AP3D1: variants seen among roughly 807,000 people sequenced by gnomAD.
The protein encoded by AP3D1 is AP-3 complex subunit delta-1.
In AP3D1, 51 loss-of-function variants were observed where a neutral mutation model predicts 147.6. That is an observed-to-expected ratio of 0.35 (90% CI 0.28 to 0.44). The LOEUF (loss-of-function observed/expected upper bound fraction) is 0.44, where lower values mean the gene tolerates loss of function less well. AP3D1 is among the 20% of genes least tolerant of loss of function. AP3D1 has a pLI of 1.00. For synonymous variants in AP3D1, 760 were observed against 663.0 expected (o/e 1.15, Z -2.25); for missense variants, 1,421 against 1,624.2 (o/e 0.87, Z 2.15).
At chr19:2,151,744 G>T (rs2019525186), upstream of AP3D1, among the ~76,000 whole-genome samples, 1 of 152,336 alleles carries the variant, frequency 6.6e-6, no homozygotes, top group African/African-American at 2.4e-5. Context: ...GCCTTTTCCG[G>T]CCCCAAAACT....
In AP3D1 at chr19:2,110,174, C is replaced by T. The variant is rs2145012478; in HGVS notation, c.3226G>A (p.Ala1076Thr). 4 of 1,612,904 alleles carry T rather than the reference C, an allele frequency of 2.5e-6. No homozygotes were observed. Among genetic ancestry groups the T allele is most frequent in the Non-Finnish European group, 1.7e-6 (2 of 1,179,976 alleles). ...GACAGGGTCCCCTTGAGCTTCTGCGCCATGACGATGCTCTGGATGGTGAAC... is the reference window on the plus strand; with the variant it reads ...GACAGGGTCCCCTTGAGCTTCTGCGTCATGACGATGCTCTGGATGGTGAAC... Reference protein sequence around the residue: ...YVFTIQSIVMAQKLKGTLSFI... With the variant: ...YVFTIQSIVMTQKLKGTLSFI... The change falls in exon 28 of 32, where the codon GCG becomes ACG. Residue 1076 changes from alanine to threonine, a missense_variant. By Grantham distance (58) the Ala-to-Thr change is moderately conservative. This residue lies in a region of AP3D1 where 791 missense variants were observed against 761.4 expected (regional missense o/e 1.04). Coordinates refer to ENST00000643116, the MANE Select transcript of AP3D1 (RefSeq NM_001261826.3).
At chr19:2,154,217 G>A (rs900865089), upstream of AP3D1, among the ~76,000 whole-genome samples, 2 of 151,702 alleles carry the variant, frequency 1.3e-5, no homozygotes, top group African/African-American at 4.8e-5. Context: ...CCAAAGTGCT[G>A]GAATTACAGG....
chr19:2,131,305 G>A (rs368762839), intron 5 of AP3D1, among the ~76,000 whole-genome samples: 2 of 151,490 alleles, frequency 1.3e-5, no homozygotes, highest in African/African-American at 4.8e-5. Flanking sequence ...GGCGCCCATC[G>A]GCCACGATCT....
Position 2,109,946 on chromosome 19 carries a change from C to T in AP3D1, c.3277G>A (p.Ala1093Thr). 1.2e-6 allele frequency: 2 copies of T among 1,613,684 alleles called. No homozygotes were observed. The highest frequency in any genetic ancestry group is 1.7e-6 in the Non-Finnish European group (2 of 1,179,976). The change falls in exon 29 of 32, where the codon GCG (alanine) becomes ACG (threonine). Residue 1093 changes from alanine (A) to threonine (T), a missense_variant. Around this residue, in one of 6 missense-constraint regions of AP3D1, gnomAD observed 791 missense variants for 761.4 expected, o/e 1.04. Transcript: ENST00000643116. ...LSFIAKNDEGATHEKLDFRLH... is the reference protein window; with the variant it reads ...LSFIAKNDEGTTHEKLDFRLH... Reference sequence around the variant, plus strand: ...CTGAAGTCCAGCTTCTCGTGGGTCGCACCCTCGTCATTCTGCGGTGGAGTG... The same window carrying T: ...CTGAAGTCCAGCTTCTCGTGGGTCGTACCCTCGTCATTCTGCGGTGGAGTG...
rs577708482 is a variant in AP3D1 at position 2,151,001 on chromosome 19, G to A, written c.96+238C>T. Among the ~76,000 whole-genome samples, 14 of 152,376 alleles carry A rather than the reference G, an allele frequency of 9.2e-5. No homozygotes were observed. In the South Asian group the frequency reaches 2.9e-3, roughly 32 times the overall value. Reference sequence around the variant, plus strand: ...CTTCCCCCAGGTGATCCGATGAGGCGAGGATCCGAGATGTGCTGCTCCAAG... The same window carrying A: ...CTTCCCCCAGGTGATCCGATGAGGCAAGGATCCGAGATGTGCTGCTCCAAG... On this transcript the variant is annotated intron_variant, in intron 1 of 31. Coordinates refer to ENST00000643116, the MANE Select transcript of AP3D1 (RefSeq NM_001261826.3).
chr19:2,121,316 G>A lies in AP3D1; in HGVS notation c.1102-5C>T, dbSNP rs1217573083. The A allele has an allele frequency of 1.9e-6, 3 of 1,613,896 alleles. No individual in the cohort carries two copies. The East Asian group carries it at 6.7e-5, about 36-fold the overall frequency. On this transcript the variant is annotated splice_region_variant and splice_polypyrimidine_tract_variant and intron_variant, in intron 12 of 31. Transcript: ENST00000643116. ...CATCAGGTTCTTCTTGGACACCTGG[G>A]CAAAAGTGTACAGACAGTGGTGAGA...
chr19:2,153,397 C>T (rs989901426), upstream of AP3D1, among the ~76,000 whole-genome samples: 8 of 135,956 alleles, frequency 5.9e-5, no homozygotes, highest in Non-Finnish European at 1.3e-4. Context: ...GGGGGGGGAC[C>T]GGGCACAGCG....
At position 2,116,691 on chromosome 19, in the gene AP3D1, C is replaced by T. The variant is rs1049141059; in HGVS notation, c.1915G>A (p.Glu639Lys). 3.1e-6 allele frequency: 5 copies of T among 1,610,470 alleles called. No individual in the cohort carries two copies. Among genetic ancestry groups the T allele is most frequent in the East Asian group, 2.2e-5 (1 of 44,798 alleles). The change falls in exon 17 of 32, where the codon GAG becomes AAG. Residue 639 changes from glutamate (E) to lysine (K), a missense_variant. Glu to Lys is a moderately conservative substitution (Grantham distance 56). Transcript: ENST00000643116. ...TCGTGGAAGACGGCCCTGGGCCTCT[C>T]GTCCTCTGACTCGCTGTCCGAGAGT... ...EPLSDSESED[E>K]RPRAVFHEEE...
At chr19:2,123,927 G>T in intron 9 of AP3D1, 48 bp from the exon 10 acceptor site, 3 of 1,552,390 alleles carry the variant, frequency 1.9e-6, no homozygotes, top group Non-Finnish European at 2.6e-6. Context: ...CATGGCCAGC[G>T]CCGACACCAA....
At chr19:2,138,750 C>A in intron 1 of AP3D1, 36 bp from the exon 2 acceptor site, 2 of 1,465,682 alleles carry the variant, frequency 1.4e-6, no homozygotes, top group Middle Eastern at 1.7e-4. Context: ...TTACAAACAT[C>A]CAGCTAAGAG....
At chr19:2,110,625 G>C in intron 27 of AP3D1, 82 bp downstream of exon 27, 1 of 1,395,554 alleles carries the variant, frequency 7.2e-7, no homozygotes, top group Non-Finnish European at 9.6e-7. Context: ...GAAGCAACAA[G>C]AACCAGCGGA....
rs34569645 is a variant in AP3D1 at position 2,118,693 on chromosome 19, C to T, written c.1621G>A (p.Gly541Arg). 0.15 allele frequency: 240,163 copies of T among 1,613,234 alleles called. 19,046 individuals are homozygous for T. The highest frequency in any genetic ancestry group is 0.16 in the Non-Finnish European group (192,515 of 1,179,942). ...ASILQQKEQA[G>R]EAEGAQAVTQ... ...ACGGCCTGAGCGCCCTCTGCCTCCC[C>T]GGCCTGCTCCTTCTGCTGCAGGATG... The change falls in exon 15 of 32, where the codon GGG becomes AGG. Residue 541 changes from glycine to arginine, a missense_variant. Coordinates refer to ENST00000643116, the MANE Select transcript of AP3D1 (RefSeq NM_001261826.3).
chr19:2,146,612 A>C (rs1191311765), intron 1 of AP3D1, among the ~76,000 whole-genome samples: 1 of 151,558 alleles, frequency 6.6e-6, no homozygotes, highest in Non-Finnish European at 1.5e-5. Flanking sequence ...TGTCTCAAAA[A>C]AAAAAAAAAA....
intron 4 of AP3D1, among the ~76,000 whole-genome samples, chr19:2,136,346 G>A (rs1278980822): frequency 6.6e-6 from 1 of 152,218 alleles, no homozygotes; most frequent in Non-Finnish European, 1.5e-5. Flanking sequence ...CACAGCCACA[G>A]GGTCCCGCCC....
At chr19:2,126,300 T>C (rs573021528) in intron 9 of AP3D1, among the ~76,000 whole-genome samples, 27 of 149,840 alleles carry the variant, frequency 1.8e-4, no homozygotes, top group Middle Eastern at 3.4e-3. Flanking sequence ...ACTGGGGACA[T>C]TGGTCGTTGG....
chr19:2,112,020 C>A, intron 24 of AP3D1, 192 bp from the exon 25 acceptor site: 1 of 890,412 alleles, frequency 1.1e-6, no homozygotes, highest in Non-Finnish European at 1.7e-6. Flanking sequence ...GAGGCTGGGG[C>A]CGTCTCTGGT....
intron 10 of AP3D1, 137 bp downstream of exon 10, chr19:2,123,693 C>G: frequency 1.9e-6 from 2 of 1,072,878 alleles, no homozygotes; most frequent in Non-Finnish European, 2.7e-6. Flanking sequence ...ACACAGGACG[C>G]GGCTGTGCCC....
At chr19:2,133,866 T>C (rs1158370169) in intron 4 of AP3D1, among the ~76,000 whole-genome samples, 11 of 151,502 alleles carry the variant, frequency 7.3e-5, no homozygotes, top group Non-Finnish European at 1.5e-4. Context: ...TCCCAGCACT[T>C]TGGGAGTCTG....
intron 9 of AP3D1, among the ~76,000 whole-genome samples, chr19:2,125,826 G>A (rs1331809415): frequency 7.1e-6 from 1 of 141,178 alleles, no homozygotes; most frequent in African/African-American, 2.9e-5. Flanking sequence ...CTATACCTAA[G>A]TAAAGCTAGA....
Sources: allele counts gnomAD v4.1 joint callset (sites outside exome capture counted in the v4.1 genomes callset), GRCh38; gene constraint gnomAD v4.1.1; regional missense constraint gnomAD v4.1.1; transcripts MANE v1.5; gene names NCBI Gene and HGNC (gene_info 2026-07-23, HGNC 2026-07-21).